THY1: variants seen among roughly 807,000 people sequenced by gnomAD.
THY1 encodes the protein thy-1 membrane glycoprotein.
Under a neutral mutation model 14.9 loss-of-function variants are expected in THY1, and 10 were observed. The ratio of observed to expected loss-of-function variants is 0.67; its 90% CI spans 0.41 to 1.14. The LOEUF is 1.14. Ranked by LOEUF, THY1 falls within the 50% of genes most tolerant of loss-of-function variation. The pLI is 0.00. For synonymous variants in THY1, 80 were observed against 90.0 expected (o/e 0.89, Z 0.63); for missense variants, 159 against 202.1 (o/e 0.79, Z 1.29).
At position 119,416,232 on chromosome 11, in the gene THY1, A is replaced by AG. The variant is rs369056484; in HGVS notation, c.*3175dup. On this transcript the variant is annotated 3_prime_UTR_variant, in exon 4 of 4. Transcript: ENST00000284240. ...CCCTAGGTATGGACTTAGGTGCTGA[A>AG]GGGGGGGGACCCAGGAAAGAGGTTA... Among the ~76,000 whole-genome samples, 28 of 151,896 alleles carry AG rather than the reference A, an allele frequency of 1.8e-4. No individual in the cohort carries two copies. Among genetic ancestry groups the AG allele is most frequent in the African/African-American group, 4.1e-4 (17 of 41,396 alleles).
chr11:119,420,405 C>A lies in THY1; in HGVS notation c.38-19G>T, dbSNP rs754398351. On this transcript the variant is annotated intron_variant, in intron 2 of 3. Coordinates refer to ENST00000284240, the MANE Select transcript of THY1 (RefSeq NM_006288.5). ...TGCAAGACTGGCACCAGCAGTGCCTCCTTCAAACTGGAGGGGCCTGCGGCA... is the reference window on the plus strand; with the variant it reads ...TGCAAGACTGGCACCAGCAGTGCCTACTTCAAACTGGAGGGGCCTGCGGCA... The A allele has an allele frequency of 2.5e-6, 4 of 1,592,026 alleles. No homozygotes were observed. The East Asian group carries it at 8.9e-5, about 36-fold the overall frequency.
chr11:119,423,420 G>A (rs1268186478), upstream of THY1: 12 of 355,056 alleles, frequency 3.4e-5, no homozygotes, highest in Non-Finnish European at 6.7e-5. Flanking sequence ...CGGGGATCAG[G>A]GTGCGGCAGC....
In THY1 at chr11:119,420,545, C is replaced by A. The variant is rs201577257; in HGVS notation, c.38-159G>T. On this transcript the variant is annotated intron_variant, in intron 2 of 3. Transcript: ENST00000284240. ...GGGATCCCACTTCTCCTTTGCAGAC[C>A]CCAGCCTCCCTCCCCACTCTGCTTG... 78 of 702,072 alleles carry A rather than the reference C, an allele frequency of 1.1e-4. 1 individual carries two copies. In the East Asian group the frequency reaches 1.9e-3, roughly 17 times the overall value. 43.5% of individuals were successfully genotyped at this position (702,072 alleles called of 1,614,324 possible).
Position 119,422,949 on chromosome 11 carries a change from A to AGGCCCCC in THY1, c.-25+163_-25+164insGGGGGCC, listed in dbSNP as rs1861939203. Among the ~76,000 whole-genome samples, 1 of 152,002 alleles carries AGGCCCCC rather than the reference A, an allele frequency of 6.6e-6. No homozygotes were observed. The highest frequency in any genetic ancestry group is 6.5e-5 in the Admixed American group (1 of 15,278). ...CACGCGGCCCCTGCCCTGCAGAAGC[A>AGGCCCCC]TCCCCCTCCCGCCCCTGCCTGGAAA... On this transcript the variant is annotated intron_variant, in intron 1 of 3. Coordinates refer to ENST00000284240, the MANE Select transcript of THY1 (RefSeq NM_006288.5). This position sits in a 1 kb window ranked among gnomAD's most constrained non-coding sequence, Gnocchi z 7.0.
chr11:119,424,290 C>T (rs1038882177), upstream of THY1, among the ~76,000 whole-genome samples: 2 of 152,238 alleles, frequency 1.3e-5, no homozygotes, highest in Admixed American at 1.3e-4. Flanking sequence ...ATGACTTTCT[C>T]TCACTCACAG....
In THY1 at chr11:119,419,937, G is replaced by A. The variant is rs545705344; in HGVS notation, c.373+114C>T. On this transcript the variant is annotated intron_variant, in intron 3 of 3. Transcript: ENST00000284240. ...CCAGTTGACCAGGCAGCAGTTGGGAGAGGGTGAGAGCGTTATGGGGCTATT... is the reference window on the plus strand; with the variant it reads ...CCAGTTGACCAGGCAGCAGTTGGGAAAGGGTGAGAGCGTTATGGGGCTATT... 1.0e-5 allele frequency: 12 copies of A among 1,161,154 alleles called. No homozygotes were observed. In the African/African-American group the frequency reaches 1.2e-4, roughly 12 times the overall value. 71.9% of individuals were successfully genotyped at this position (1,161,154 alleles called of 1,614,324 possible).
At chr11:119,423,312 G>A (rs1312216239), upstream of THY1, 9 of 393,518 alleles carry the variant, frequency 2.3e-5, no homozygotes, top group East Asian at 6.5e-4. Flanking sequence ...GGAAGAGAAG[G>A]CGGTCCCGCA....
Position 119,415,865 on chromosome 11 carries a change from C to T in THY1, c.*3543G>A, listed in dbSNP as rs1055760107. Among the ~76,000 whole-genome samples, 6 of 152,158 alleles carry T rather than the reference C, an allele frequency of 3.9e-5. No individual in the cohort carries two copies. Among genetic ancestry groups the T allele is most frequent in the African/African-American group, 1.4e-4 (6 of 41,434 alleles). On this transcript the variant is annotated 3_prime_UTR_variant, in exon 4 of 4. Transcript: ENST00000284240. ...CCTGGCCAGGACTCTCTGAAGGACT[C>T]CAGCTCCAACATTTTCTCACTAGTA...
chr11:119,417,552 A>C lies in THY1; in HGVS notation c.*1856T>G, dbSNP rs535660564. The C allele has an allele frequency of 1.3e-5, 2 of 152,132 alleles. No homozygotes were observed. Among genetic ancestry groups the C allele is most frequent in the South Asian group, 4.2e-4 (2 of 4,814 alleles). 9.4% of individuals were successfully genotyped at this position (152,132 alleles called of 1,614,324 possible). A position where few individuals can be genotyped will look rare whatever the true frequency, so the allele number is the denominator to read the frequency against. On this transcript the variant is annotated 3_prime_UTR_variant, in exon 4 of 4. Coordinates refer to ENST00000284240, the MANE Select transcript of THY1 (RefSeq NM_006288.5). ...CTGACTCTGACAGCAGTTGGAACCC[A>C]CAGCTACCCTGCGGTCCCCCTCTTG...
intron 2 of THY1, chr11:119,420,645 G>C (rs1219379681): frequency 1.5e-6 from 1 of 651,472 alleles, no homozygotes; most frequent in African/African-American, 1.8e-5. Flanking sequence ...GTTCTCAGTT[G>C]GGGATTCTAG....
chr11:119,424,330 A>T (rs930633175), upstream of THY1, among the ~76,000 whole-genome samples: 2 of 152,150 alleles, frequency 1.3e-5, no homozygotes, highest in Non-Finnish European at 2.9e-5. Flanking sequence ...ACTAACGTTT[A>T]TTTGATTGAT....
rs1861914692 is a variant in THY1, at chr11:119,422,062, CGA to C, written c.-25+1049_-25+1050del. 1.3e-5 allele frequency: 2 copies of C among 152,328 alleles called. No individual in the cohort carries two copies. The highest frequency in any genetic ancestry group is 4.1e-4 in the South Asian group (2 of 4,834). 9.4% of individuals were successfully genotyped at this position (152,328 alleles called of 1,614,324 possible). ...AGGCCACAGAAGGGGCGTGCACCCG[CGA>C]GAGCGCGCAGGGCATTGCCTCGGTT... On this transcript the variant is annotated intron_variant, in intron 1 of 3. Transcript: ENST00000284240. This position sits in a 1 kb window ranked among gnomAD's most constrained non-coding sequence, Gnocchi z 7.0.
chr11:119,415,537 C>T lies in THY1; in HGVS notation c.*3871G>A, dbSNP rs367893720. Among the ~76,000 whole-genome samples the T allele has an allele frequency of 7.4e-4, 112 of 152,328 alleles. No individual in the cohort carries two copies. The highest frequency in any genetic ancestry group is 2.6e-3 in the African/African-American group (109 of 41,584). On this transcript the variant is annotated 3_prime_UTR_variant, in exon 4 of 4. Transcript: ENST00000284240. ...TTGACAGGTGGCCTCCACCTGGCCA[C>T]GCCACTGCCAGGCACTCCCCGCCTG...
At chr11:119,421,814 A>C (rs927382107) in intron 1 of THY1, 1 of 152,228 alleles carries the variant, frequency 6.6e-6, no homozygotes, top group African/African-American at 2.4e-5. Context: ...GGAGAGAAAG[A>C]CATAGTGATC....
chr11:119,416,569 G>A lies in THY1; in HGVS notation c.*2839C>T, dbSNP rs548731038. 6.6e-6 allele frequency among the ~76,000 whole-genome samples: 1 copy of A among 152,272 alleles called. No homozygotes were observed. Among genetic ancestry groups the A allele is most frequent in the South Asian group, 2.1e-4 (1 of 4,822 alleles). On this transcript the variant is annotated 3_prime_UTR_variant, in exon 4 of 4. Coordinates refer to ENST00000284240, the MANE Select transcript of THY1 (RefSeq NM_006288.5). ...GGCTCACTGCAACCTCCGCCTCCCGGGTTCAAGTGATTCTCCTGCCTCAGC... is the reference window on the plus strand; with the variant it reads ...GGCTCACTGCAACCTCCGCCTCCCGAGTTCAAGTGATTCTCCTGCCTCAGC...
chr11:119,419,776 G>A (rs1861859742), intron 3 of THY1: 5 of 598,144 alleles, frequency 8.4e-6, no homozygotes, highest in Non-Finnish European at 1.5e-5. Context: ...GGGAGGTGGT[G>A]TCATCCCTGT....
chr11:119,423,924 G>A (rs530545500), upstream of THY1: 1 of 152,444 alleles, frequency 6.6e-6, no homozygotes, highest in African/African-American at 2.4e-5. Context: ...TTCAGACCAG[G>A]AAGGGAGTGT....
At chr11:119,424,136 G>C (rs1861973095), upstream of THY1, 1 of 152,344 alleles carries the variant, frequency 6.6e-6, no homozygotes, top group Non-Finnish European at 1.5e-5. Flanking sequence ...AGTGGGAGAA[G>C]AGAGAGAGGA....
At chr11:119,420,624 G>A in intron 2 of THY1, 1 of 630,194 alleles carries the variant, frequency 1.6e-6, no homozygotes, top group South Asian at 2.0e-5. Flanking sequence ...GGGAGTTGAT[G>A]CTGGTTCCGG....
Sources: allele counts gnomAD v4.1 joint callset (sites outside exome capture counted in the v4.1 genomes callset), GRCh38; gene constraint gnomAD v4.1.1; non-coding constraint Gnocchi (gnomAD v3.1); transcripts MANE v1.5; gene names NCBI Gene and HGNC (gene_info 2026-07-23, HGNC 2026-07-21).